The following MICU1 variants were observed in gnomAD, a reference collection of about 807,000 sequenced individuals.
MICU1 encodes the protein mitochondrial calcium uptake 1, also known as calcium uptake protein 1, mitochondrial.
Under a neutral mutation model 56.8 loss-of-function variants are expected in MICU1, and 45 were observed. That is an observed-to-expected ratio of 0.79 (90% CI 0.62 to 1.02). MICU1 has a LOEUF of 1.02. MICU1 is among the 50% of genes least tolerant of loss of function. The probability of loss-of-function intolerance (pLI) is 0.00; values close to 1 mark genes in which losing one functional copy is unlikely to be tolerated. For missense variants in MICU1, 504 were observed against 587.1 expected (o/e 0.86, Z 1.46); for synonymous variants, 186 against 195.1 (o/e 0.95, Z 0.39).
intron 5 of MICU1, among the ~76,000 whole-genome samples, chr10:72,527,001 T>A (rs970226701): frequency 1.4e-5 from 2 of 147,830 alleles, no homozygotes. Context: ...TATGAAACAA[T>A]AATGGAGCCA....
At chr10:72,427,440 G>T (rs1018530623) in intron 8 of MICU1, among the ~76,000 whole-genome samples, 2 of 152,128 alleles carry the variant, frequency 1.3e-5, no homozygotes, top group Non-Finnish European at 2.9e-5. Context: ...ACAGTAAAAG[G>T]AAAAAGAAAT....
At chr10:72,490,279 T>C (rs541940550) in intron 6 of MICU1, among the ~76,000 whole-genome samples, 3 of 152,304 alleles carry the variant, frequency 2.0e-5, no homozygotes, top group South Asian at 4.1e-4. Context: ...GAACAAGATG[T>C]AGGTGAAAGA....
At chr10:72,376,623 C>A (rs1862531726) in intron 10 of MICU1, among the ~76,000 whole-genome samples, 1 of 152,060 alleles carries the variant, frequency 6.6e-6, no homozygotes, top group Non-Finnish European at 1.5e-5. Flanking sequence ...CTCTATGTAA[C>A]AGAGTGAGAC....
intron 10 of MICU1, 88 bp downstream of exon 10, chr10:72,407,841 T>C (rs1863678020): frequency 1.3e-6 from 1 of 789,266 alleles, no homozygotes; most frequent in Non-Finnish European, 2.0e-6. Context: ...GAAAAACTTA[T>C]CTTTTACTGT....
At chr10:72,582,252 T>A (rs574701177) in intron 1 of MICU1, among the ~76,000 whole-genome samples, 1 of 152,360 alleles carries the variant, frequency 6.6e-6, no homozygotes, top group Admixed American at 6.5e-5. Context: ...AATGAGACAG[T>A]ATCCTATATT....
intron 10 of MICU1, among the ~76,000 whole-genome samples, chr10:72,387,507 TC>T (rs1418447784): frequency 6.6e-6 from 1 of 152,150 alleles, no homozygotes; most frequent in East Asian, 1.9e-4. Flanking sequence ...TCTAATGAAT[TC>T]CCCCTTGAAT....
At chr10:72,502,437 T>A (rs1867109511) in intron 6 of MICU1, among the ~76,000 whole-genome samples, 1 of 152,184 alleles carries the variant, frequency 6.6e-6, no homozygotes, top group Admixed American at 6.5e-5. Flanking sequence ...ATTACAGGTG[T>A]GAGCCACCGC....
chr10:72,538,085 G>T (rs1366251228), intron 4 of MICU1, among the ~76,000 whole-genome samples: 1 of 152,006 alleles, frequency 6.6e-6, no homozygotes, highest in Admixed American at 6.6e-5. Context: ...CACTAGTTCA[G>T]GCCCTTACCT....
At chr10:72,614,620 G>A (rs1243144177) in intron 1 of MICU1, among the ~76,000 whole-genome samples, 1 of 152,154 alleles carries the variant, frequency 6.6e-6, no homozygotes, top group East Asian at 1.9e-4. Context: ...GCTACAACAT[G>A]GATGAACCTG....
intron 9 of MICU1, among the ~76,000 whole-genome samples, chr10:72,416,312 C>A (rs968387234): frequency 6.6e-6 from 1 of 152,120 alleles, no homozygotes; most frequent in Non-Finnish European, 1.5e-5. Context: ...GTAACAACAA[C>A]AACAACAAAA....
At chr10:72,435,405 A>T (rs1021757583) in intron 8 of MICU1, among the ~76,000 whole-genome samples, 24 of 148,052 alleles carry the variant, frequency 1.6e-4, no homozygotes, top group African/African-American at 6.2e-4. Flanking sequence ...AAAAAAAAAA[A>T]AAAAAAGTGG....
At chr10:72,369,702 G>T (rs11596694) in intron 11 of MICU1, among the ~76,000 whole-genome samples, 7,911 of 145,896 alleles carry the variant, frequency 0.054, 256 homozygotes, top group East Asian at 0.12. Flanking sequence ...TTTTTTTTTT[G>T]TTGTTGTTGT....
chr10:72,532,549 A>G (rs1388953727), intron 5 of MICU1, among the ~76,000 whole-genome samples: 1 of 152,206 alleles, frequency 6.6e-6, no homozygotes, highest in African/African-American at 2.4e-5. Context: ...GAAGTGTTGC[A>G]GTAAGTCCTC....
chr10:72,491,394 T>C (rs1381448727), intron 6 of MICU1, among the ~76,000 whole-genome samples: 2 of 152,204 alleles, frequency 1.3e-5, no homozygotes, highest in Non-Finnish European at 2.9e-5. Flanking sequence ...ACCTGCTTCA[T>C]ATATCTGGAT....
intron 3 of MICU1, among the ~76,000 whole-genome samples, chr10:72,551,779 T>C (rs902585603): frequency 6.6e-6 from 1 of 152,162 alleles, no homozygotes. Flanking sequence ...AGAAGAATTT[T>C]TTTAACATTC....
chr10:72,396,860 T>C (rs1490225955), intron 10 of MICU1, among the ~76,000 whole-genome samples: 2 of 152,190 alleles, frequency 1.3e-5, no homozygotes, highest in Non-Finnish European at 2.9e-5. Context: ...GAAAACACTC[T>C]TCAGGATATT....
At chr10:72,623,201 G>A (rs567210998) in intron 1 of MICU1, among the ~76,000 whole-genome samples, 1 of 150,706 alleles carries the variant, frequency 6.6e-6, no homozygotes, top group East Asian at 1.9e-4. Context: ...AACCCCGGAG[G>A]CAGAGGTTGC....
chr10:72,467,045 C>T (rs1865814181), intron 8 of MICU1, among the ~76,000 whole-genome samples: 3 of 151,880 alleles, frequency 2.0e-5, no homozygotes, highest in Admixed American at 1.3e-4. Flanking sequence ...GTTGCCCAGG[C>T]TGGAGTGCAG....
chr10:72,602,243 G>C (rs1841557922), intron 1 of MICU1, among the ~76,000 whole-genome samples: 1 of 150,142 alleles, frequency 6.7e-6, no homozygotes, highest in Admixed American at 6.7e-5. Flanking sequence ...TTCAGGTCAG[G>C]AGTTCAAGAC....
Sources: gnomAD v4.1 joint callset for allele counts (sites outside exome capture counted in the v4.1 genomes callset) on GRCh38, gnomAD v4.1.1 for gene constraint, MANE v1.5 for transcripts, NCBI Gene and HGNC (gene_info 2026-07-23, HGNC 2026-07-21) for gene names.